The following CLSTN2 variants were observed in gnomAD, a reference collection of about 807,000 sequenced individuals.
The protein encoded by CLSTN2 is calsyntenin 2, also known as calsyntenin-2.
In CLSTN2, 48 loss-of-function variants were observed where a neutral mutation model predicts 101.2. That is an observed-to-expected ratio of 0.47 (90% CI 0.38 to 0.60). The LOEUF is 0.60. Ranked by LOEUF, CLSTN2 falls within the 20% of genes least tolerant of loss-of-function variation. The pLI is 0.00. For missense variants in CLSTN2, 1,160 were observed against 1,238.2 expected, an observed-to-expected ratio of 0.94 and a Z score of 0.95; for synonymous variants, 481 against 463.6, an observed-to-expected ratio of 1.04 and a Z score of -0.48.
intron 2 of CLSTN2, among the ~76,000 whole-genome samples, chr3:140,192,713 G>T (rs1298819656): frequency 6.6e-6 from 1 of 150,814 alleles, no homozygotes; most frequent in Non-Finnish European, 1.5e-5. Context: ...TAAATTTTTT[G>T]TTAGCAGCAT....
At chr3:140,042,393 G>T (rs2007779130) in intron 1 of CLSTN2, among the ~76,000 whole-genome samples, 1 of 152,148 alleles carries the variant, frequency 6.6e-6, no homozygotes, top group Non-Finnish European at 1.5e-5. Flanking sequence ...CCATATTGTG[G>T]TGTCTATTAG....
At chr3:140,269,127 T>C (rs2086719913) in intron 2 of CLSTN2, among the ~76,000 whole-genome samples, 1 of 152,238 alleles carries the variant, frequency 6.6e-6, no homozygotes, top group African/African-American at 2.4e-5. Flanking sequence ...CCTTATTTAC[T>C]GAGAGACTCC....
At chr3:140,201,643 T>C (rs2107841527) in intron 2 of CLSTN2, among the ~76,000 whole-genome samples, 1 of 152,280 alleles carries the variant, frequency 6.6e-6, no homozygotes, top group Admixed American at 6.5e-5. Context: ...AAATATTTAT[T>C]AAGCACCTAC....
intron 1 of CLSTN2, among the ~76,000 whole-genome samples, chr3:140,169,101 T>C (rs995682878): frequency 1.3e-5 from 2 of 152,130 alleles, no homozygotes; most frequent in Non-Finnish European, 2.9e-5. Context: ...GTCTTAAGTA[T>C]ATTGAGTCTG....
chr3:140,034,995 T>C (rs550127996), intron 1 of CLSTN2, among the ~76,000 whole-genome samples: 11 of 152,342 alleles, frequency 7.2e-5, no homozygotes, highest in Admixed American at 5.2e-4. Flanking sequence ...TGGAGTTCCA[T>C]TCTTGATGGC....
At chr3:140,450,536 T>G (rs187460020) in intron 6 of CLSTN2, among the ~76,000 whole-genome samples, 1 of 152,268 alleles carries the variant, frequency 6.6e-6, no homozygotes. Flanking sequence ...TCTCCAGCCA[T>G]GTTTGGGAGC....
At chr3:140,401,611 C>T (rs2088242871) in intron 2 of CLSTN2, among the ~76,000 whole-genome samples, 1 of 152,196 alleles carries the variant, frequency 6.6e-6, no homozygotes, top group South Asian at 2.1e-4. Flanking sequence ...GAGAAGATTA[C>T]ACTCATCTAT....
intron 8 of CLSTN2, among the ~76,000 whole-genome samples, chr3:140,478,447 C>T (rs1934034797): frequency 6.6e-6 from 1 of 151,698 alleles, no homozygotes; most frequent in Admixed American, 6.6e-5. Flanking sequence ...ATGAACGAAT[C>T]TCAAAAACAT....
intron 8 of CLSTN2, among the ~76,000 whole-genome samples, chr3:140,486,130 A>G (rs891484912): frequency 7.9e-5 from 12 of 152,138 alleles, no homozygotes; most frequent in African/African-American, 2.4e-4. Context: ...AGAGAAAAAG[A>G]CACATTACAT....
chr3:140,228,948 T>G (rs956222378), intron 2 of CLSTN2, among the ~76,000 whole-genome samples: 1 of 152,142 alleles, frequency 6.6e-6, no homozygotes, highest in Non-Finnish European at 1.5e-5. Context: ...CCATATCAGC[T>G]GGAGATTAAA....
chr3:140,104,738 C>A (rs2009023703), intron 1 of CLSTN2, among the ~76,000 whole-genome samples: 1 of 152,214 alleles, frequency 6.6e-6, no homozygotes, highest in Non-Finnish European at 1.5e-5. Flanking sequence ...CTTTGGGAGG[C>A]CAAGGCGGGC....
chr3:140,061,761 C>T (rs1254960535), intron 1 of CLSTN2, among the ~76,000 whole-genome samples: 2 of 152,340 alleles, frequency 1.3e-5, no homozygotes, highest in East Asian at 1.9e-4. Context: ...CTTGCCATGG[C>T]CTGAAAGGAC....
chr3:140,529,397 A>G (rs1355771430), intron 8 of CLSTN2, among the ~76,000 whole-genome samples: 2 of 152,238 alleles, frequency 1.3e-5, no homozygotes, highest in Non-Finnish European at 2.9e-5. Flanking sequence ...GAGCTTGGAC[A>G]TACTTGGTGC....
In CLSTN2 at chr3:140,572,806, C is replaced by A. The variant is rs1464873750; in HGVS notation, c.*6553C>A. 1 of 152,306 alleles carries A rather than the reference C, an allele frequency of 6.6e-6. No homozygotes were observed. Among genetic ancestry groups the A allele is most frequent in the Non-Finnish European group, 1.5e-5 (1 of 68,124 alleles). The allele number at this position is 152,306 out of a possible 1,614,324, so 9.4% of individuals were successfully genotyped here. The stretch of plus-strand genomic sequence containing the variant: ...TGACTTGAGCTGGCATCGGGAAGAA[C>A]TGACTATTAACTAACAAGGTAAAAT... On this transcript the variant is annotated 3_prime_UTR_variant, in exon 17 of 17. Coordinates refer to ENST00000458420, the MANE Select transcript of CLSTN2 (RefSeq NM_022131.3).
chr3:140,566,625 G>T lies in CLSTN2; in HGVS notation c.*372G>T, dbSNP rs1327961884. The T allele has an allele frequency of 4.9e-5, 14 of 284,724 alleles. No individual in the cohort carries two copies. Among genetic ancestry groups the T allele is most frequent in the Admixed American group, 3.8e-4 (9 of 23,580 alleles). 17.6% of individuals were successfully genotyped at this position (284,724 alleles called of 1,614,324 possible). A position where few individuals can be genotyped will look rare whatever the true frequency, so the allele number is the denominator to read the frequency against. On this transcript the variant is annotated 3_prime_UTR_variant, in exon 17 of 17. Coordinates refer to ENST00000458420, the MANE Select transcript of CLSTN2 (RefSeq NM_022131.3). ...GGCTCAGAGTCCCCAAGGCCCTGGG[G>T]TTCCAACTCACTGTGCGTCTCCTCC... is the stretch of plus-strand genomic sequence containing the variant.
rs368682124 is a variant in CLSTN2 at position 140,559,383 on chromosome 3, AAGTT to A, written c.2041+529_2041+532del. ...TATAGCTGCATCTTTATATATATAAAAGTTAGGTCTCATTCAGCAATATTACTCT... is the reference window on the plus strand; with the variant it reads ...TATAGCTGCATCTTTATATATATAAAAGGTCTCATTCAGCAATATTACTCT... On this transcript the variant is annotated intron_variant, in intron 12 of 16. Coordinates refer to ENST00000458420, the MANE Select transcript of CLSTN2 (RefSeq NM_022131.3). Among the ~76,000 whole-genome samples, 55 of 152,280 alleles carry A rather than the reference AAGTT, an allele frequency of 3.6e-4. No individual in the cohort carries two copies. The East Asian group carries it at 9.8e-3, about 27-fold the overall frequency.
intron 1 of CLSTN2, among the ~76,000 whole-genome samples, chr3:140,164,918 G>A (rs2010109269): frequency 6.6e-6 from 1 of 152,046 alleles, no homozygotes. Flanking sequence ...TAGGTAGATG[G>A]GTGGATAGGT....
intron 10 of CLSTN2, among the ~76,000 whole-genome samples, chr3:140,554,728 T>A (rs1250454159): frequency 1.3e-5 from 2 of 152,182 alleles, no homozygotes; most frequent in Non-Finnish European, 2.9e-5. Flanking sequence ...AGATGACAAA[T>A]AACCCAAATG....
chr3:140,163,152 G>A (rs556275210), intron 1 of CLSTN2, among the ~76,000 whole-genome samples: 7 of 152,214 alleles, frequency 4.6e-5, no homozygotes, highest in Non-Finnish European at 4.4e-5. Context: ...ATATTGCTGC[G>A]AAGATATTTT....
Sources: allele counts gnomAD v4.1 joint callset (sites outside exome capture counted in the v4.1 genomes callset), GRCh38; gene constraint gnomAD v4.1.1; transcripts MANE v1.5; gene names NCBI Gene and HGNC (gene_info 2026-07-23, HGNC 2026-07-21).